Variants in CDC42BPA observed in about 807,000 individuals in gnomAD.
CDC42BPA encodes CDC42 binding protein kinase alpha, also known as serine/threonine-protein kinase MRCK alpha.
CDC42BPA carries 80 observed loss-of-function variants against 223.5 expected under a neutral mutation model. That is an observed-to-expected ratio of 0.36 (90% CI 0.30 to 0.43). The LOEUF is 0.43. Ranked by LOEUF, CDC42BPA falls within the 20% of genes least tolerant of loss-of-function variation. The probability of loss-of-function intolerance (pLI) is 1.00; values close to 1 mark genes in which losing one functional copy is unlikely to be tolerated. For missense variants in CDC42BPA, 1,743 were observed against 2,099.9 expected (o/e 0.83, Z 3.32); for synonymous variants, 694 against 718.6 (o/e 0.97, Z 0.55).
At chr1:227,212,559 G>T (rs1192248115) in intron 3 of CDC42BPA, among the ~76,000 whole-genome samples, 1 of 151,982 alleles carries the variant, frequency 6.6e-6, no homozygotes, top group Non-Finnish European at 1.5e-5. Flanking sequence ...ATCTATGTGT[G>T]ACAGCAGTTC....
At chr1:227,233,172 G>A (rs1284385768) in intron 2 of CDC42BPA, among the ~76,000 whole-genome samples, 1 of 152,126 alleles carries the variant, frequency 6.6e-6, no homozygotes, top group Admixed American at 6.5e-5. Flanking sequence ...TTCCTATTCG[G>A]CCATCTTAGA....
At chr1:227,187,224 T>G (rs1264363276) in intron 5 of CDC42BPA, among the ~76,000 whole-genome samples, 2 of 152,192 alleles carry the variant, frequency 1.3e-5, no homozygotes, top group Admixed American at 1.3e-4. Context: ...GCAACAATGT[T>G]GCAATTATCA....
chr1:227,151,904 T>G (rs956023876), intron 6 of CDC42BPA, among the ~76,000 whole-genome samples: 1 of 71,942 alleles, frequency 1.4e-5, no homozygotes, highest in Non-Finnish European at 3.0e-5. Flanking sequence ...AAAAAAAAAA[T>G]TAGCTGGGTG....
rs11295895 is a variant in CDC42BPA, at chr1:227,273,857, GAAA to G, written c.179-19705_179-19703del. Among the ~76,000 whole-genome samples the G allele has an allele frequency of 8.8e-3, 1,182 of 133,942 alleles. 7 individuals carry two copies. The highest frequency in any genetic ancestry group is 0.015 in the Admixed American group (199 of 13,494). The allele number at this position is 133,942 out of a possible 152,430, so 87.9% of individuals were successfully genotyped here. On this transcript the variant is annotated intron_variant, in intron 1 of 36. Transcript: ENST00000366766. ...AAAGGAAAAGAATGGAAGAAACAAGGAAAAAAAAAAAAAAAACACAAATAACCC... is the reference window on the plus strand; with the variant it reads ...AAAGGAAAAGAATGGAAGAAACAAGGAAAAAAAAAAAAACACAAATAACCC...
chr1:227,150,855 G>GA (rs1215614965), intron 6 of CDC42BPA, among the ~76,000 whole-genome samples: 36 of 71,084 alleles, frequency 5.1e-4, no homozygotes, highest in Admixed American at 9.2e-4. Flanking sequence ...TTACCTCCCT[G>GA]AAAAAAAAAA....
In CDC42BPA at chr1:226,991,491, C is replaced by A. The variant is rs995912607; in HGVS notation, c.*2777G>T. On this transcript the variant is annotated 3_prime_UTR_variant, in exon 37 of 37. Coordinates refer to ENST00000366766, the MANE Select transcript of CDC42BPA (RefSeq NM_001394014.1). ...TAGGATGACCGTTATTTTGGGAAAACCCTCCCCAAAACTATTCCCCCTGGC... is the reference window on the plus strand; with the variant it reads ...TAGGATGACCGTTATTTTGGGAAAAACCTCCCCAAAACTATTCCCCCTGGC... 1 of 152,204 alleles carries A rather than the reference C, an allele frequency of 6.6e-6. No homozygotes were observed. The highest frequency in any genetic ancestry group is 6.5e-5 in the Admixed American group (1 of 15,278). The allele number at this position is 152,204 out of a possible 1,614,324, so 9.4% of individuals were successfully genotyped here.
chr1:227,121,985 G>C (rs1688752368), intron 11 of CDC42BPA, among the ~76,000 whole-genome samples: 1 of 151,910 alleles, frequency 6.6e-6, no homozygotes, highest in Non-Finnish European at 1.5e-5. Flanking sequence ...ATTTTTAGTA[G>C]AGATGGGGTT....
chr1:227,240,933 A>T (rs1325115413), intron 2 of CDC42BPA, among the ~76,000 whole-genome samples: 5 of 152,060 alleles, frequency 3.3e-5, no homozygotes, highest in Non-Finnish European at 7.4e-5. Flanking sequence ...TAATTTTTTT[A>T]AAAAATGAAC....
intron 19 of CDC42BPA, 52 bp from the exon 20 acceptor site, chr1:227,072,351 G>A: frequency 9.2e-7 from 1 of 1,085,528 alleles, no homozygotes; most frequent in Non-Finnish European, 1.4e-6. Flanking sequence ...TTGCTGGTTA[G>A]TGAGCCATCT....
At chr1:227,280,992 C>T (rs899392178) in intron 1 of CDC42BPA, among the ~76,000 whole-genome samples, 2 of 152,178 alleles carry the variant, frequency 1.3e-5, no homozygotes, top group Non-Finnish European at 2.9e-5. Context: ...ACTCCATCAG[C>T]AGTTATGCAG....
At chr1:227,311,372 A>G (rs1693506299) in intron 1 of CDC42BPA, among the ~76,000 whole-genome samples, 1 of 152,156 alleles carries the variant, frequency 6.6e-6, no homozygotes, top group Non-Finnish European at 1.5e-5. Context: ...GGGCAAAAGG[A>G]GCTAAGCAAT....
At chr1:227,264,806 T>A in intron 1 of CDC42BPA, 1 of 1,327,440 alleles carries the variant, frequency 7.5e-7, no homozygotes, top group South Asian at 1.2e-5. Context: ...AGTGACAGAA[T>A]CTTCTTGCTT....
intron 17 of CDC42BPA, 30 bp downstream of exon 17, chr1:227,080,863 C>T: frequency 6.2e-7 from 1 of 1,611,860 alleles, no homozygotes; most frequent in Non-Finnish European, 8.5e-7. Context: ...TCACAATCAT[C>T]CACAAAAAAA....
At chr1:227,051,170 T>C (rs941903966) in intron 22 of CDC42BPA, among the ~76,000 whole-genome samples, 3 of 152,188 alleles carry the variant, frequency 2.0e-5, no homozygotes, top group Non-Finnish European at 4.4e-5. Flanking sequence ...TCTATTGGAA[T>C]GCTAGACACA....
chr1:227,189,740 T>C (rs945261400), intron 5 of CDC42BPA, among the ~76,000 whole-genome samples: 3 of 152,204 alleles, frequency 2.0e-5, no homozygotes, highest in South Asian at 2.1e-4. Flanking sequence ...TTTGTGCTGA[T>C]AGAAGACAAA....
intron 15 of CDC42BPA, among the ~76,000 whole-genome samples, chr1:227,093,780 A>C (rs901986776): frequency 6.6e-6 from 1 of 152,138 alleles, no homozygotes; most frequent in South Asian, 2.1e-4. Context: ...TGGCCCAAAT[A>C]AACTCTATAT....
chr1:227,246,666 G>A (rs920001185), intron 2 of CDC42BPA, among the ~76,000 whole-genome samples: 2 of 149,386 alleles, frequency 1.3e-5, no homozygotes, highest in African/African-American at 5.0e-5. Context: ...CTGTGTTATT[G>A]GCCTTTGAAC....
chr1:227,317,736 A>G lies in CDC42BPA; in HGVS notation c.-554T>C, dbSNP rs1453478839. 5.0e-6 allele frequency: 2 copies of G among 398,412 alleles called. No homozygotes were observed. Among genetic ancestry groups the G allele is most frequent in the African/African-American group, 2.1e-5 (1 of 48,628 alleles). The allele number at this position is 398,412 out of a possible 1,614,324, so 24.7% of individuals were successfully genotyped here. The stretch of plus-strand genomic sequence containing the variant: ...AAATCCTCCCAACCACCACTTGGAT[A>G]ATGCATCAGCGGCAATTTCTCCAGC... On this transcript the variant is annotated 5_prime_UTR_variant, in exon 1 of 37. Transcript: ENST00000366766.
chr1:227,298,427 A>G (rs1234776197), intron 1 of CDC42BPA, among the ~76,000 whole-genome samples: 1 of 152,138 alleles, frequency 6.6e-6, no homozygotes, highest in South Asian at 2.1e-4. Context: ...ACATGTATAT[A>G]AACAAGCTAG....
Sources: allele counts gnomAD v4.1 joint callset (sites outside exome capture counted in the v4.1 genomes callset), GRCh38; gene constraint gnomAD v4.1.1; transcripts MANE v1.5; gene names NCBI Gene and HGNC (gene_info 2026-07-23, HGNC 2026-07-21).